NRIP1: variants seen among roughly 807,000 people sequenced by gnomAD.
NRIP1 encodes nuclear receptor-interacting protein 1.
Under a neutral mutation model 75.0 loss-of-function variants are expected in NRIP1, and 28 were observed. The ratio of observed to expected loss-of-function variants is 0.37; its 90% CI spans 0.28 to 0.51. The LOEUF (loss-of-function observed/expected upper bound fraction) is 0.51. Among genes scored for constraint, NRIP1 ranks in the 20% least tolerant of loss-of-function variants. NRIP1 has a pLI of 0.92. For missense variants in NRIP1, 1,435 were observed against 1,343.7 expected, an observed-to-expected ratio of 1.07 and a Z score of -1.06; for synonymous variants, 526 against 487.6, an observed-to-expected ratio of 1.08 and a Z score of -1.04.
chr21:15,015,695 A>G (rs765560967), intron 2 of NRIP1, among the ~76,000 whole-genome samples: 9 of 152,150 alleles, frequency 5.9e-5, no homozygotes, highest in Middle Eastern at 3.2e-3. Flanking sequence ...GAAATTATAT[A>G]CTATATAAGT....
intron 3 of NRIP1, among the ~76,000 whole-genome samples, chr21:14,978,499 A>G (rs2087140462): frequency 6.6e-6 from 1 of 152,340 alleles, no homozygotes; most frequent in African/African-American, 2.4e-5. Context: ...TTTAAAAGCT[A>G]AATATGAGCT....
intron 1 of NRIP1, chr21:15,051,156 G>A (rs980596801): frequency 2.4e-5 from 8 of 327,588 alleles, no homozygotes; most frequent in Non-Finnish European, 4.2e-5. Flanking sequence ...ATGTGGCCCT[G>A]AATGGCATGC....
chr21:15,024,324 T>C (rs1280610474), intron 2 of NRIP1, among the ~76,000 whole-genome samples: 2 of 152,016 alleles, frequency 1.3e-5, no homozygotes, highest in African/African-American at 2.4e-5. Flanking sequence ...GGGTGGATCA[T>C]TTGAGGTCAG....
intron 2 of NRIP1, among the ~76,000 whole-genome samples, chr21:15,024,023 G>T (rs1461513128): frequency 6.6e-6 from 1 of 151,826 alleles, no homozygotes; most frequent in Non-Finnish European, 1.5e-5. Flanking sequence ...AATTCCAGAG[G>T]GATTAAAGGT....
chr21:14,983,667 C>A (rs368594382), intron 3 of NRIP1, among the ~76,000 whole-genome samples: 1 of 152,196 alleles, frequency 6.6e-6, no homozygotes, highest in African/African-American at 2.4e-5. Flanking sequence ...GGCTTCAAAG[C>A]TTCAAAGGAA....
chr21:15,029,800 AG>A (rs1315327429), intron 2 of NRIP1, among the ~76,000 whole-genome samples: 1 of 150,372 alleles, frequency 6.7e-6, no homozygotes, highest in African/African-American at 2.5e-5. Flanking sequence ...TGGGCAACAG[AG>A]TCCCTGTCTC....
intron 3 of NRIP1, among the ~76,000 whole-genome samples, chr21:14,972,170 G>A (rs2086919388): frequency 6.6e-6 from 1 of 152,118 alleles, no homozygotes; most frequent in Admixed American, 6.5e-5. Context: ...AACGCACTTA[G>A]CTCCTTCTAT....
intron 1 of NRIP1, among the ~76,000 whole-genome samples, chr21:15,044,832 T>C (rs926435034): frequency 6.6e-6 from 1 of 152,182 alleles, no homozygotes; most frequent in South Asian, 2.1e-4. Context: ...GTCTGTATCT[T>C]GCTTATTGTT....
chr21:14,965,547 G>C lies in NRIP1; in HGVS notation c.2646C>G (p.Asn882Lys). The change falls in exon 4 of 4, where the codon AAC becomes AAG. Residue 882 changes from asparagine to lysine, a missense_variant. Asn to Lys is a moderately conservative substitution (Grantham distance 94, BLOSUM62 0). Transcript: ENST00000318948. ...KMKNNIVDAA[N>K]NHSAPEVLYG... ...ACAGTACTTCTGGGGCACTGTGATTGTTTGCAGCATCAACAATGTTGTTTT... is the reference window on the plus strand; with the variant it reads ...ACAGTACTTCTGGGGCACTGTGATTCTTTGCAGCATCAACAATGTTGTTTT... 3 of 1,614,038 alleles carry C rather than the reference G, an allele frequency of 1.9e-6. No homozygotes were observed. The highest frequency in any genetic ancestry group is 2.5e-6 in the Non-Finnish European group (3 of 1,179,954).
In NRIP1 at chr21:14,970,207, A is replaced by G. The variant is rs553174666; in HGVS notation, c.-334-1681T>C. Among the ~76,000 whole-genome samples the G allele has an allele frequency of 2.0e-4, 31 of 152,280 alleles. No homozygotes were observed. In the South Asian group the frequency reaches 6.0e-3, roughly 30 times the overall value. On this transcript the variant is annotated intron_variant, in intron 3 of 3. Transcript: ENST00000318948. ...AACATACGGGTACATTTTACAACTG[A>G]TAACATCTTGGAGTTGAGGAAACCC...
At chr21:14,972,165 A>G (rs1458623709) in intron 3 of NRIP1, among the ~76,000 whole-genome samples, 1 of 149,594 alleles carries the variant, frequency 6.7e-6, no homozygotes, top group African/African-American at 2.6e-5. Flanking sequence ...GCCTGAACGC[A>G]CTTAGCTCCT....
intron 2 of NRIP1, among the ~76,000 whole-genome samples, chr21:15,042,148 T>C (rs1338406314): frequency 6.6e-6 from 1 of 152,248 alleles, no homozygotes; most frequent in African/African-American, 2.4e-5. Flanking sequence ...CCAATTTTTG[T>C]ATTATTTCAT....
chr21:15,008,398 T>C (rs1289626582), intron 3 of NRIP1, among the ~76,000 whole-genome samples: 1 of 152,078 alleles, frequency 6.6e-6, no homozygotes, highest in Non-Finnish European at 1.5e-5. Flanking sequence ...CGAATCACCG[T>C]AGAAGAAGTA....
intron 2 of NRIP1, among the ~76,000 whole-genome samples, chr21:15,029,125 T>C (rs910809932): frequency 2.6e-5 from 4 of 152,182 alleles, no homozygotes; most frequent in Non-Finnish European, 5.9e-5. Flanking sequence ...TCCTGAATTA[T>C]CATAATGGCC....
chr21:15,022,990 C>T (rs542479913), intron 2 of NRIP1, among the ~76,000 whole-genome samples: 39 of 152,172 alleles, frequency 2.6e-4, no homozygotes, highest in Middle Eastern at 3.2e-3. Context: ...CACGTGATCC[C>T]ATTTCTATGG....
At chr21:14,995,854 T>C (rs1337766037) in intron 3 of NRIP1, among the ~76,000 whole-genome samples, 1 of 152,076 alleles carries the variant, frequency 6.6e-6, no homozygotes, top group Non-Finnish European at 1.5e-5. Context: ...CCAATGCTCT[T>C]TGTAAAAGGT....
intron 3 of NRIP1, among the ~76,000 whole-genome samples, chr21:14,972,878 A>G (rs549595429): frequency 7.0e-4 from 107 of 152,334 alleles, no homozygotes; most frequent in Non-Finnish European, 1.3e-3. Context: ...CCGATGTGAC[A>G]GGAGGCGGAG....
chr21:14,966,729 C>A lies in NRIP1; in HGVS notation c.1464G>T (p.Lys488Asn). 1 of 1,613,972 alleles carries A rather than the reference C, an allele frequency of 6.2e-7. No homozygotes were observed. Among genetic ancestry groups the A allele is most frequent in the Non-Finnish European group, 8.5e-7 (1 of 1,179,990 alleles). The change falls in exon 4 of 4, where the codon AAG becomes AAT. Residue 488 changes from lysine (K) to asparagine (N), a missense_variant. Physicochemically the swap from Lys to Asn is moderately conservative, Grantham distance 94. Coordinates refer to ENST00000318948, the MANE Select transcript of NRIP1 (RefSeq NM_003489.4). ...VDIKEDQDTSKNSKLNSHQKV... is the reference protein window; with the variant it reads ...VDIKEDQDTSNNSKLNSHQKV... ...TCTGGTGTGAGTTTAGCTTAGAATT[C>A]TTTGAGGTATCTTGATCTTCTTTGA...
At chr21:15,065,003 G>C (rs1254918293), upstream of NRIP1, 1 of 153,270 alleles carries the variant, frequency 6.5e-6, no homozygotes, top group Non-Finnish European at 1.5e-5. Context: ...CAATGTCTGC[G>C]AGGCTGACTT....
Sources: gnomAD v4.1 joint callset for allele counts (sites outside exome capture counted in the v4.1 genomes callset) on GRCh38, gnomAD v4.1.1 for gene constraint, MANE v1.5 for transcripts, NCBI Gene and HGNC (gene_info 2026-07-23, HGNC 2026-07-21) for gene names.